MIB1: variants seen among roughly 807,000 people sequenced by gnomAD.
The protein encoded by MIB1 is E3 ubiquitin-protein ligase MIB1.
MIB1 carries 278 observed loss-of-function variants against 124.5 expected under a neutral mutation model. The ratio of observed to expected loss-of-function variants is 2.23; its 90% CI spans 2.02 to 2.47. MIB1 has a LOEUF of 2.47. MIB1 is among the 30% of genes most tolerant of loss of function. The pLI, the probability that MIB1 is intolerant of heterozygous loss-of-function variation, is 0.00. For synonymous variants in MIB1, 446 were observed against 429.4 expected, an observed-to-expected ratio of 1.04 and a Z score of -0.48; for missense variants, 957 against 1,254.4, an observed-to-expected ratio of 0.76 and a Z score of 3.58.
Position 21,843,173 on chromosome 18 carries a change from GCC to G in MIB1, c.2007_2008del (p.Leu670ThrfsTer5). 6.2e-7 allele frequency: 1 copy of G among 1,603,810 alleles called. No individual in the cohort carries two copies. Among genetic ancestry groups the G allele is most frequent in the Non-Finnish European group, 8.5e-7 (1 of 1,176,204 alleles). On this transcript the variant is annotated frameshift_variant, in exon 14 of 21. Coordinates refer to ENST00000261537, the MANE Select transcript of MIB1 (RefSeq NM_020774.4). LOFTEE classifies it high-confidence loss of function. ...LDIQNVNQQTALHLAVERQHT... is the reference protein window; with the variant it reads ...LDIQNVNQQTXLHLAVERQHT... ...TATCCAGAATGTGAACCAACAAACT[GCC>G]CTACACCTTGCTGTTGAACGACAGC...
At chr18:21,734,974 A>G (rs1029193508) in intron 1 of MIB1, among the ~76,000 whole-genome samples, 3 of 152,258 alleles carry the variant, frequency 2.0e-5, no homozygotes, top group Non-Finnish European at 4.4e-5. Context: ...CACATTTTCC[A>G]TGAACATTTT....
chr18:21,705,171 A>C (rs1354068895), intron 1 of MIB1: 1 of 152,570 alleles, frequency 6.6e-6, no homozygotes, highest in Non-Finnish European at 1.5e-5. Flanking sequence ...TGCCAAAGAT[A>C]TGTTAGCAGG....
chr18:21,855,341 C>T (rs758695798), intron 18 of MIB1, among the ~76,000 whole-genome samples: 2 of 152,082 alleles, frequency 1.3e-5, no homozygotes, highest in African/African-American at 2.4e-5. Context: ...GAGATTACAT[C>T]CCTTTTGGAG....
intron 16 of MIB1, 79 bp downstream of exon 16, chr18:21,847,204 A>T: frequency 8.4e-7 from 1 of 1,193,876 alleles, no homozygotes; most frequent in Non-Finnish European, 1.2e-6. Context: ...GGACGTGGCT[A>T]CTTGAAAATG....
intron 7 of MIB1, among the ~76,000 whole-genome samples, chr18:21,793,644 G>GGTGGTGTGTGCCT (rs1218426632): frequency 1.3e-5 from 2 of 151,590 alleles, no homozygotes; most frequent in Non-Finnish European, 2.9e-5. Context: ...AGCCAGGTGT[G>GGTGGTGTGTGCCT]GTGGTGTGTG....
At chr18:21,707,920 G>A (rs975449556) in intron 1 of MIB1, among the ~76,000 whole-genome samples, 38 of 152,282 alleles carry the variant, frequency 2.5e-4, no homozygotes, top group African/African-American at 8.9e-4. Flanking sequence ...TTGAGATCAG[G>A]GTACCGATGT....
chr18:21,854,104 T>G (rs914781149), intron 18 of MIB1, among the ~76,000 whole-genome samples: 2 of 150,828 alleles, frequency 1.3e-5, no homozygotes, highest in Non-Finnish European at 1.5e-5. Flanking sequence ...TTGCCTAAAG[T>G]GACTGTTTCT....
intron 10 of MIB1, among the ~76,000 whole-genome samples, chr18:21,814,838 T>TGC (rs2041810326): frequency 1.3e-5 from 2 of 150,828 alleles, no homozygotes; most frequent in Admixed American, 6.6e-5. Context: ...CCTCCCAAAG[T>TGC]GCTGGGATTA....
chr18:21,828,506 T>C (rs1046046870), intron 12 of MIB1: 4 of 151,978 alleles, frequency 2.6e-5, no homozygotes, highest in African/African-American at 4.8e-5. Context: ...TCCTCTAATA[T>C]TAATTATACA....
chr18:21,766,812 G>C (rs1319549402), intron 2 of MIB1, among the ~76,000 whole-genome samples: 1 of 152,130 alleles, frequency 6.6e-6, no homozygotes, highest in South Asian at 2.1e-4. Context: ...CCTGAGGTGG[G>C]AGGATTACTT....
chr18:21,781,220 A>T (rs1314945268), intron 6 of MIB1, among the ~76,000 whole-genome samples: 1 of 151,032 alleles, frequency 6.6e-6, no homozygotes, highest in Non-Finnish European at 1.5e-5. Context: ...CAGTAAAAGC[A>T]ACAGTAGTTT....
chr18:21,828,180 G>A (rs1391696604), intron 12 of MIB1: 1 of 151,892 alleles, frequency 6.6e-6, no homozygotes. Flanking sequence ...ATTGGTTCTT[G>A]ACTATAGTGC....
chr18:21,724,727 A>AAATATAT (rs1350936232), intron 1 of MIB1, among the ~76,000 whole-genome samples: 2 of 17,376 alleles, frequency 1.2e-4, no homozygotes, highest in African/African-American at 1.8e-4. Flanking sequence ...AAAAAAAAAA[A>AAATATAT]ATATATATAT....
chr18:21,814,401 A>G (rs1230204671), intron 10 of MIB1, among the ~76,000 whole-genome samples: 4 of 150,620 alleles, frequency 2.7e-5, no homozygotes, highest in Admixed American at 1.3e-4. Context: ...CAATCACACA[A>G]CTCATCTTAG....
chr18:21,761,130 A>G lies in MIB1; in HGVS notation c.230-4642A>G, dbSNP rs529604231. Reference sequence around the variant, plus strand: ...ATTCCATATAATGTCCATTTTGGAAAAATAATTTTATAATTATTTCTATAT... The same window carrying G: ...ATTCCATATAATGTCCATTTTGGAAGAATAATTTTATAATTATTTCTATAT... On this transcript the variant is annotated intron_variant, in intron 1 of 20. Transcript: ENST00000261537. Among the ~76,000 whole-genome samples, 15 of 152,310 alleles carry G rather than the reference A, an allele frequency of 9.8e-5. No homozygotes were observed. The South Asian group carries it at 3.1e-3, about 32-fold the overall frequency.
At chr18:21,788,722 A>G (rs1202360078) in intron 6 of MIB1, among the ~76,000 whole-genome samples, 2 of 152,204 alleles carry the variant, frequency 1.3e-5, no homozygotes, top group Non-Finnish European at 2.9e-5. Flanking sequence ...GAAAAACCCA[A>G]AGAATCCACA....
At chr18:21,724,723 AAAAAATATATATAT>A (rs1470278446) in intron 1 of MIB1, among the ~76,000 whole-genome samples, 18 of 53,852 alleles carry the variant, frequency 3.3e-4, no homozygotes, top group Admixed American at 7.2e-4. Context: ...AAAAAAAAAA[AAAAAATATATATAT>A]ATATATATAT....
rs1252937230 is a variant in MIB1, at chr18:21,712,907, GCT to G, written n.167+7787_167+7788del. Among the ~76,000 whole-genome samples the G allele has an allele frequency of 3.9e-5, 6 of 152,154 alleles. No homozygotes were observed. The East Asian group carries it at 9.7e-4, about 24-fold the overall frequency. Reference sequence around the variant, plus strand: ...ATTTAAAGATTAATAAATATTAATGGCTCTTTTTTTTGCCCACCAATGTATCT... The same window carrying G: ...ATTTAAAGATTAATAAATATTAATGGCTTTTTTTTGCCCACCAATGTATCT... On this transcript the variant is annotated intron_variant and non_coding_transcript_variant, in intron 1 of 20. Transcript: ENST00000578646.
At chr18:21,818,375 G>T (rs557752020) in intron 11 of MIB1, among the ~76,000 whole-genome samples, 1 of 152,144 alleles carries the variant, frequency 6.6e-6, no homozygotes, top group South Asian at 2.1e-4. Context: ...GTGTAGGTTT[G>T]GTATGGAATT....
Sources: gnomAD v4.1 joint callset for allele counts (sites outside exome capture counted in the v4.1 genomes callset) on GRCh38, gnomAD v4.1.1 for gene constraint, MANE v1.5 for transcripts, NCBI Gene and HGNC (gene_info 2026-07-23, HGNC 2026-07-21) for gene names.